The following CSRP2 variants were observed in gnomAD, a reference collection of about 807,000 sequenced individuals.
CSRP2 encodes cysteine and glycine-rich protein 2.
CSRP2 carries 18 observed loss-of-function variants against 24.6 expected under a neutral mutation model. The observed-to-expected ratio is 0.73, with a 90% CI of 0.51 to 1.09. The LOEUF is 1.09. Ranked by LOEUF, CSRP2 falls within the 50% of genes least tolerant of loss-of-function variation. CSRP2 has a pLI of 0.00. For synonymous variants in CSRP2, 87 were observed against 84.3 expected, an observed-to-expected ratio of 1.03 and a Z score of -0.18; for missense variants, 215 against 239.4, an observed-to-expected ratio of 0.90 and a Z score of 0.67.
intron 1 of CSRP2, among the ~76,000 whole-genome samples, chr12:76,872,306 C>T (rs915973450): frequency 6.6e-6 from 1 of 152,158 alleles, no homozygotes; most frequent in Non-Finnish European, 1.5e-5. Context: ...AAGTCTGAGT[C>T]GTCTTATGGT....
chr12:76,870,111 G>A (rs1953782455), intron 1 of CSRP2, among the ~76,000 whole-genome samples: 1 of 152,122 alleles, frequency 6.6e-6, no homozygotes. Flanking sequence ...TGTTGTCGAG[G>A]CATTTCTATC....
intron 1 of CSRP2, among the ~76,000 whole-genome samples, chr12:76,869,578 A>C (rs990221909): frequency 4.3e-4 from 60 of 138,990 alleles, no homozygotes; most frequent in Admixed American, 5.9e-4. Context: ...ACACACACAC[A>C]CCCCTGACTG....
intron 1 of CSRP2, among the ~76,000 whole-genome samples, chr12:76,868,795 C>T (rs147436993): frequency 0.011 from 1,687 of 151,926 alleles, 11 homozygotes; most frequent in Non-Finnish European, 0.017. Flanking sequence ...TAGCCGGGCA[C>T]GGTGGTGGGG....
intron 2 of CSRP2, chr12:76,864,224 C>A (rs754025239): frequency 1.3e-5 from 2 of 152,180 alleles, no homozygotes; most frequent in African/African-American, 2.4e-5. Context: ...AGGAAACTCA[C>A]TGGTAGCACA....
At chr12:76,860,479 A>G (rs1953664904) in intron 3 of CSRP2, 66 bp from the exon 4 acceptor site, 2 of 1,572,644 alleles carry the variant, frequency 1.3e-6, no homozygotes, top group African/African-American at 1.4e-5. Context: ...TACACAAGGC[A>G]GGAACAATAG....
rs1953879573 is a variant in CSRP2, at chr12:76,878,992, A to C, written c.-56T>G. ...GGCGGAGCTAGCGAGGCTGGGCTGG[A>C]GGGAGGGTCCAGGGAGTCCGAGATC... On this transcript the variant is annotated 5_prime_UTR_variant, in exon 1 of 6. Coordinates refer to ENST00000311083, the MANE Select transcript of CSRP2 (RefSeq NM_001321.3). 1 of 152,150 alleles carries C rather than the reference A, an allele frequency of 6.6e-6. No individual in the cohort carries two copies. The highest frequency in any genetic ancestry group is 1.5e-5 in the Non-Finnish European group (1 of 68,124). The allele number at this position is 152,150 out of a possible 1,614,324, so 9.4% of individuals were successfully genotyped here. A position where few individuals can be genotyped will look rare whatever the true frequency, so the allele number is the denominator to read the frequency against.
chr12:76,876,792 C>A (rs967087336), intron 1 of CSRP2, among the ~76,000 whole-genome samples: 2 of 152,224 alleles, frequency 1.3e-5, no homozygotes, highest in African/African-American at 2.4e-5. Flanking sequence ...CAGCTCTCTC[C>A]TGAAACAGAC....
chr12:76,859,324 A>T, intron 5 of CSRP2: 1 of 595,652 alleles, frequency 1.7e-6, no homozygotes, highest in Non-Finnish European at 3.0e-6. Context: ...CAAGACATGA[A>T]GGCAAAAGAT....
chr12:76,871,876 G>A (rs1161325700), intron 1 of CSRP2, among the ~76,000 whole-genome samples: 1 of 150,186 alleles, frequency 6.7e-6, no homozygotes, highest in Admixed American at 6.7e-5. Context: ...TTCCATTTCT[G>A]TCACTCTTGG....
chr12:76,867,843 T>G (rs930658436), intron 1 of CSRP2, among the ~76,000 whole-genome samples: 3 of 152,122 alleles, frequency 2.0e-5, no homozygotes, highest in Non-Finnish European at 4.4e-5. Flanking sequence ...GAGTCTCCAA[T>G]CCTTAAAATC....
At chr12:76,870,681 C>T (rs2137833418) in intron 1 of CSRP2, among the ~76,000 whole-genome samples, 1 of 151,866 alleles carries the variant, frequency 6.6e-6, no homozygotes, top group Admixed American at 6.6e-5. Context: ...TGTCAGAAAG[C>T]TTCAGTTGGA....
At chr12:76,878,415 C>T (rs1953873479) in intron 1 of CSRP2, 1 of 151,862 alleles carries the variant, frequency 6.6e-6, no homozygotes, top group African/African-American at 2.4e-5. Flanking sequence ...GGAGCAGTAC[C>T]CTGGGCTCGG....
intron 1 of CSRP2, among the ~76,000 whole-genome samples, chr12:76,873,975 G>C (rs960041918): frequency 8.5e-5 from 13 of 152,294 alleles, no homozygotes; most frequent in Non-Finnish European, 2.9e-5. Context: ...TCATAAGCCA[G>C]GTACTGGGTT....
chr12:76,874,028 GCA>G (rs1376411520), intron 1 of CSRP2, among the ~76,000 whole-genome samples: 13 of 152,182 alleles, frequency 8.5e-5, no homozygotes, highest in Admixed American at 7.2e-4. Context: ...GGCCCGTTTT[GCA>G]CAGAGTTCTA....
At chr12:76,877,786 A>G (rs1953865781) in intron 1 of CSRP2, among the ~76,000 whole-genome samples, 1 of 152,184 alleles carries the variant, frequency 6.6e-6, no homozygotes, top group African/African-American at 2.4e-5. Flanking sequence ...TTCAAAATCT[A>G]TCACCCAATT....
intron 2 of CSRP2, 40 bp from the exon 3 acceptor site, chr12:76,863,384 A>G: frequency 6.2e-7 from 1 of 1,602,190 alleles, no homozygotes; most frequent in Non-Finnish European, 8.5e-7. Context: ...TGTTCCAAAG[A>G]TGCCTTTTTC....
At chr12:76,863,095 A>G (rs1953699941) in intron 3 of CSRP2, 81 bp downstream of exon 3, 1 of 1,509,898 alleles carries the variant, frequency 6.6e-7, no homozygotes, top group Admixed American at 2.2e-5. Context: ...AAAAATCTGG[A>G]GACTGCCAGG....
At chr12:76,862,762 AAT>A in intron 3 of CSRP2, 1 of 1,348,202 alleles carries the variant, frequency 7.4e-7, no homozygotes, top group Non-Finnish European at 9.5e-7. Flanking sequence ...CTTGATGAAA[AAT>A]GTTTACATAG....
intron 1 of CSRP2, among the ~76,000 whole-genome samples, chr12:76,878,569 GGCT>G (rs1289160026): frequency 3.3e-5 from 5 of 152,220 alleles, no homozygotes; most frequent in Admixed American, 1.3e-4. Context: ...GGGGACCGAC[GGCT>G]GCTAAGAGGC....
Sources: gnomAD v4.1 joint callset for allele counts (sites outside exome capture counted in the v4.1 genomes callset) on GRCh38, gnomAD v4.1.1 for gene constraint, MANE v1.5 for transcripts, NCBI Gene and HGNC (gene_info 2026-07-23, HGNC 2026-07-21) for gene names.